The following LRRC37A2 variants were observed in gnomAD, a reference collection of about 807,000 sequenced individuals.
LRRC37A2 encodes leucine rich repeat containing 37 member A2.
LRRC37A2 carries 9 observed loss-of-function variants against 68.8 expected under a neutral mutation model. The ratio of observed to expected loss-of-function variants is 0.13; its 90% confidence interval spans 0.08 to 0.23. The LOEUF (loss-of-function observed/expected upper bound fraction) is 0.23. LRRC37A2 is among the 10% of genes least tolerant of loss of function. The probability of loss-of-function intolerance (pLI) is 1.00; values close to 1 mark genes in which losing one functional copy is unlikely to be tolerated. For missense variants in LRRC37A2, 168 were observed against 950.4 expected (o/e 0.18, Z 10.82); for synonymous variants, 63 against 367.6 (o/e 0.17, Z 9.48).
At chr17:46,921,821 AG>A in the LRRC37A2 span, among the ~76,000 whole-genome samples, 1 of 152,230 alleles carries the variant, frequency 6.6e-6, no homozygotes, top group Non-Finnish European at 1.5e-5. Flanking sequence ...ACCATTAAAA[AG>A]TCAGGAAACA....
the LRRC37A2 span, among the ~76,000 whole-genome samples, chr17:46,866,416 A>G: frequency 6.6e-6 from 1 of 151,550 alleles, no homozygotes; most frequent in Admixed American, 6.6e-5. Context: ...GCATGAGTGT[A>G]TGTGCGAGTA....
chr17:46,875,191 G>A, the LRRC37A2 span: 9 of 1,613,990 alleles, frequency 5.6e-6, no homozygotes, highest in Middle Eastern at 1.6e-4. Context: ...CGCATGGAGC[G>A]CTGCACCTGT....
At chr17:46,727,086 A>G in the LRRC37A2 span, among the ~76,000 whole-genome samples, 2 of 152,244 alleles carry the variant, frequency 1.3e-5, no homozygotes, top group Admixed American at 6.5e-5. Context: ...AACAGAGACT[A>G]TAATCCCTCT....
the LRRC37A2 span, among the ~76,000 whole-genome samples, chr17:46,678,548 C>G: frequency 6.8e-6 from 1 of 147,794 alleles, no homozygotes; most frequent in African/African-American, 2.5e-5. Context: ...TTTAAAGTTC[C>G]AGAAAGGCAA....
At chr17:46,938,821 A>G in the LRRC37A2 span, 1 of 1,609,784 alleles carries the variant, frequency 6.2e-7, no homozygotes, top group Non-Finnish European at 8.5e-7. Context: ...GTGTGTGTGA[A>G]AGAGAGAGGG....
chr17:46,814,865 T>G, the LRRC37A2 span, among the ~76,000 whole-genome samples: 1 of 151,970 alleles, frequency 6.6e-6, no homozygotes, highest in Non-Finnish European at 1.5e-5. Flanking sequence ...GAAACTGAGG[T>G]AGGTCTTAGG....
At chr17:46,854,773 GC>G in the LRRC37A2 span, among the ~76,000 whole-genome samples, 1 of 152,056 alleles carries the variant, frequency 6.6e-6, no homozygotes, top group Non-Finnish European at 1.5e-5. Flanking sequence ...CAATTTTCCT[GC>G]CTCAGCTTTC....
At chr17:46,876,329 TC>T in the LRRC37A2 span, 1 of 1,614,132 alleles carries the variant, frequency 6.2e-7, no homozygotes, top group South Asian at 1.1e-5. Context: ...GAAGCAGCTC[TC>T]CCCGTTCCGT....
At chr17:46,882,067 G>A in the LRRC37A2 span, among the ~76,000 whole-genome samples, 1 of 152,202 alleles carries the variant, frequency 6.6e-6, no homozygotes, top group Non-Finnish European at 1.5e-5. Flanking sequence ...GAGGCAGGAA[G>A]ATCGCTTGAG....
the LRRC37A2 span, among the ~76,000 whole-genome samples, chr17:46,798,775 C>T: frequency 7.2e-5 from 11 of 152,124 alleles, no homozygotes; most frequent in South Asian, 2.1e-4. Context: ...ATAGGCTGGG[C>T]GCAGTGGCTC....
the LRRC37A2 span, among the ~76,000 whole-genome samples, chr17:46,868,039 A>G: frequency 6.6e-6 from 1 of 152,126 alleles, no homozygotes; most frequent in Non-Finnish European, 1.5e-5. Context: ...TAATGGGAAA[A>G]GAGAGGCTGG....
chr17:46,933,825 G>A, the LRRC37A2 span, among the ~76,000 whole-genome samples: 3 of 151,976 alleles, frequency 2.0e-5, no homozygotes, highest in Admixed American at 6.6e-5. Flanking sequence ...TTAGCCGGGC[G>A]TGGTGGCGTG....
the LRRC37A2 span, among the ~76,000 whole-genome samples, chr17:46,661,375 C>CTTT: frequency 8.1e-6 from 1 of 123,150 alleles, no homozygotes; most frequent in Non-Finnish European, 1.6e-5. Context: ...TTCTACATTT[C>CTTT]TTTTTATTAT....
chr17:47,035,828 G>T, the LRRC37A2 span, among the ~76,000 whole-genome samples: 2 of 152,136 alleles, frequency 1.3e-5, no homozygotes, highest in African/African-American at 4.8e-5. Context: ...CACTGTCGTT[G>T]TCTGTCTCTT....
the LRRC37A2 span, among the ~76,000 whole-genome samples, chr17:46,649,470 TTTG>T: frequency 6.6e-6 from 1 of 152,062 alleles, no homozygotes; most frequent in Non-Finnish European, 1.5e-5. Flanking sequence ...TGGGCGTGAA[TTTG>T]TTTTTAGTCT....
chr17:46,534,909 G>A (rs559942935), intron 6 of LRRC37A2, among the ~76,000 whole-genome samples: 1 of 149,388 alleles, frequency 6.7e-6, no homozygotes, highest in East Asian at 2.0e-4. Flanking sequence ...CTGGGCGGAG[G>A]GGCTCCTCAC....
chr17:46,962,015 TG>T, the LRRC37A2 span, among the ~76,000 whole-genome samples: 4 of 151,356 alleles, frequency 2.6e-5, no homozygotes, highest in African/African-American at 9.7e-5. Flanking sequence ...GATAAGGGAG[TG>T]GGGCATAGTT....
chr17:46,739,874 A>G, the LRRC37A2 span, among the ~76,000 whole-genome samples: 1 of 151,850 alleles, frequency 6.6e-6, no homozygotes, highest in African/African-American at 2.4e-5. Context: ...AATTTTTTGT[A>G]TTTTTAGCAG....
the LRRC37A2 span, among the ~76,000 whole-genome samples, chr17:46,758,203 T>A: frequency 6.6e-6 from 1 of 152,220 alleles, no homozygotes; most frequent in African/African-American, 2.4e-5. Flanking sequence ...CTATCAGATC[T>A]CTTAACCTCC....
Sources: allele counts gnomAD v4.1 joint callset (sites outside exome capture counted in the v4.1 genomes callset), GRCh38; gene constraint gnomAD v4.1.1; transcripts MANE v1.5; gene names NCBI Gene and HGNC (gene_info 2026-07-23, HGNC 2026-07-21).